PPM1H: variants seen among roughly 807,000 people sequenced by gnomAD.
PPM1H encodes the protein protein phosphatase 1H.
PPM1H carries 27 observed loss-of-function variants against 54.9 expected under a neutral mutation model. That is an observed-to-expected ratio of 0.49 (90% CI 0.36 to 0.68). The LOEUF is 0.68. Among genes scored for constraint, PPM1H ranks in the 30% least tolerant of loss-of-function variants. PPM1H has a pLI of 0.00. For missense variants in PPM1H, 596 were observed against 667.8 expected (o/e 0.89, Z 1.19); for synonymous variants, 305 against 270.8 (o/e 1.13, Z -1.24).
chr12:62,830,363 C>T (rs910681782), intron 2 of PPM1H, among the ~76,000 whole-genome samples: 2 of 152,258 alleles, frequency 1.3e-5, no homozygotes, highest in East Asian at 3.9e-4. Context: ...TCACGCCATT[C>T]TTCTGCCTCA....
At chr12:62,817,549 TTTTAGCA>T (rs1461555116) in intron 2 of PPM1H, among the ~76,000 whole-genome samples, 1 of 151,834 alleles carries the variant, frequency 6.6e-6, no homozygotes, top group East Asian at 1.9e-4. Context: ...AGGAACAAAA[TTTTAGCA>T]TAATAAAATG....
chr12:62,673,713 C>CTTTTT (rs1192243731), intron 8 of PPM1H, among the ~76,000 whole-genome samples: 1 of 47,570 alleles, frequency 2.1e-5, no homozygotes, highest in Non-Finnish European at 4.5e-5. Context: ...AGAAGAGCCA[C>CTTTTT]TCTTTTTTTT....
intron 3 of PPM1H, among the ~76,000 whole-genome samples, chr12:62,798,777 G>A (rs908079788): frequency 2.0e-5 from 3 of 152,112 alleles, no homozygotes; most frequent in Admixed American, 6.5e-5. Flanking sequence ...GCCTACCTGG[G>A]TTTTTTCTCA....
Position 62,693,869 on chromosome 12 carries a change from G to T in PPM1H, c.1137+67C>A. 11 of 1,418,294 alleles carry T rather than the reference G, an allele frequency of 7.8e-6. No homozygotes were observed. In the South Asian group the frequency reaches 1.3e-4, roughly 17 times the overall value. The allele number at this position is 1,418,294 out of a possible 1,614,324, so 87.9% of individuals were successfully genotyped here. ...CTGAGTGGAACACACGGACTGCCACGGGCTATGTGGAGCGAAGGCGGGACA... is the reference window on the plus strand; with the variant it reads ...CTGAGTGGAACACACGGACTGCCACTGGCTATGTGGAGCGAAGGCGGGACA... On this transcript the variant is annotated intron_variant, in intron 7 of 9. Coordinates refer to ENST00000228705, the MANE Select transcript of PPM1H (RefSeq NM_020700.2).
At position 62,730,653 on chromosome 12, in the gene PPM1H, C is replaced by CA. The variant is rs2076316174; in HGVS notation, c.954+6848_954+6849insT. Among the ~76,000 whole-genome samples, 6 of 148,184 alleles carry CA rather than the reference C, an allele frequency of 4.0e-5. No individual in the cohort carries two copies. The South Asian group carries it at 1.3e-3, about 32-fold the overall frequency. On this transcript the variant is annotated intron_variant, in intron 5 of 9. Transcript: ENST00000228705. ...CGAATTTTCCGTGTACAATACAAAA[C>CA]TTTTTTTTTTTAATTGAGTAATCTC... is the stretch of plus-strand genomic sequence containing the variant.
intron 8 of PPM1H, among the ~76,000 whole-genome samples, chr12:62,668,596 G>A (rs959258198): frequency 1.1e-4 from 17 of 152,126 alleles, no homozygotes; most frequent in African/African-American, 3.6e-4. Flanking sequence ...CAGCTGGTCT[G>A]GAACCCCTGG....
chr12:62,693,833 A>T, intron 7 of PPM1H, 103 bp downstream of exon 7: 1 of 1,033,290 alleles, frequency 9.7e-7, no homozygotes, highest in Non-Finnish European at 1.4e-6. Flanking sequence ...AGGCTATAAA[A>T]TCACAAGCTG....
intron 1 of PPM1H, among the ~76,000 whole-genome samples, chr12:62,883,082 A>C (rs1405936011): frequency 1.3e-5 from 2 of 152,210 alleles, no homozygotes; most frequent in Non-Finnish European, 2.9e-5. Flanking sequence ...TCTTGAGGTC[A>C]GAAACTGTTT....
At position 62,934,176 on chromosome 12, in the gene PPM1H, C is replaced by T; in HGVS notation, c.245+316G>A. Reference sequence around the variant, plus strand: ...GTTTCAAACTTCAGAGCTTTTCTGCCCGTTTTTTTTCCCCAAGTGACAGAG... The same window carrying T: ...GTTTCAAACTTCAGAGCTTTTCTGCTCGTTTTTTTTCCCCAAGTGACAGAG... On this transcript the variant is annotated intron_variant, in intron 1 of 9. Coordinates refer to ENST00000228705, the MANE Select transcript of PPM1H (RefSeq NM_020700.2). The surrounding 1 kb of genome is among the most constrained non-coding windows in gnomAD (Gnocchi z 4.2). The T allele has an allele frequency of 3.1e-6, 1 of 320,188 alleles. No individual in the cohort carries two copies. The highest frequency in any genetic ancestry group is 5.7e-6 in the Non-Finnish European group (1 of 175,102). The allele number at this position is 320,188 out of a possible 1,614,324, so 19.8% of individuals were successfully genotyped here. A position where few individuals can be genotyped will look rare whatever the true frequency, so the allele number is the denominator to read the frequency against.
At chr12:62,761,400 C>T (rs2076508112) in intron 4 of PPM1H, among the ~76,000 whole-genome samples, 1 of 152,176 alleles carries the variant, frequency 6.6e-6, no homozygotes, top group Non-Finnish European at 1.5e-5. Flanking sequence ...AGATATACCC[C>T]TAATTGGTAA....
At chr12:62,910,222 A>G (rs7962438) in intron 1 of PPM1H, among the ~76,000 whole-genome samples, 44,985 of 152,090 alleles carry the variant, frequency 0.3, 7,541 homozygotes, top group African/African-American at 0.46. Flanking sequence ...GAAGGGAATC[A>G]GAAAGAGACA....
At chr12:62,902,345 C>A (rs1043982665) in intron 1 of PPM1H, among the ~76,000 whole-genome samples, 2 of 151,414 alleles carry the variant, frequency 1.3e-5, no homozygotes, top group African/African-American at 2.4e-5. Flanking sequence ...AAGAGCAAGA[C>A]TCCAACTCAA....
At chr12:62,792,545 C>T (rs1176223572) in intron 3 of PPM1H, among the ~76,000 whole-genome samples, 1 of 152,176 alleles carries the variant, frequency 6.6e-6, no homozygotes. Context: ...CACATGTGCA[C>T]ACACACACTT....
At position 62,855,949 on chromosome 12, in the gene PPM1H, T is replaced by G. The variant is rs544979072; in HGVS notation, c.246-23670A>C. ...TTATGTGGGATGAGACTGTGTTAAG[T>G]GTACAGCTAATTATCCACTACTATT... On this transcript the variant is annotated intron_variant, in intron 1 of 9. Coordinates refer to ENST00000228705, the MANE Select transcript of PPM1H (RefSeq NM_020700.2). Among the ~76,000 whole-genome samples, 60 of 152,314 alleles carry G rather than the reference T, an allele frequency of 3.9e-4. No individual in the cohort carries two copies. In the South Asian group the frequency reaches 0.012, roughly 30 times the overall value.
chr12:62,867,706 T>C (rs1220561681), intron 1 of PPM1H, among the ~76,000 whole-genome samples: 2 of 149,666 alleles, frequency 1.3e-5, no homozygotes, highest in East Asian at 4.0e-4. Flanking sequence ...GCCTCCCAAA[T>C]AGCTGGGACT....
chr12:62,931,536 G>T (rs1329493733), intron 1 of PPM1H, among the ~76,000 whole-genome samples: 1 of 152,148 alleles, frequency 6.6e-6, no homozygotes, highest in East Asian at 1.9e-4. Flanking sequence ...TATCTGACAG[G>T]GTTAAAGGTG....
At chr12:62,690,534 A>C (rs1363682138) in intron 7 of PPM1H, among the ~76,000 whole-genome samples, 1 of 152,190 alleles carries the variant, frequency 6.6e-6, no homozygotes. Flanking sequence ...AGGAAGTAAC[A>C]CTATTACACC....
At chr12:62,849,765 T>C (rs1482469390) in intron 1 of PPM1H, among the ~76,000 whole-genome samples, 1 of 152,158 alleles carries the variant, frequency 6.6e-6, no homozygotes, top group Non-Finnish European at 1.5e-5. Context: ...ATGGAATGCA[T>C]TCGTTTCCAG....
intron 4 of PPM1H, among the ~76,000 whole-genome samples, chr12:62,775,259 C>T (rs533497138): frequency 1.3e-5 from 2 of 152,232 alleles, no homozygotes; most frequent in African/African-American, 2.4e-5. Flanking sequence ...CAGGCAAGTC[C>T]GGCAGCCTCT....
Sources: gnomAD v4.1 joint callset for allele counts (sites outside exome capture counted in the v4.1 genomes callset) on GRCh38, gnomAD v4.1.1 for gene constraint, Gnocchi (gnomAD v3.1) non-coding constraint, MANE v1.5 for transcripts, NCBI Gene and HGNC (gene_info 2026-07-23, HGNC 2026-07-21) for gene names.